FANK1: variants seen among roughly 807,000 people sequenced by gnomAD.
FANK1 encodes the protein fibronectin type 3 and ankyrin repeat domains protein 1.
FANK1 carries 44 observed loss-of-function variants against 45.3 expected under a neutral mutation model. The observed-to-expected ratio is 0.97, with a 90% CI of 0.76 to 1.25. FANK1 has a LOEUF of 1.25. FANK1 is among the 50% of genes most tolerant of loss of function. The pLI is 0.00. For missense variants in FANK1, 391 were observed against 424.4 expected (o/e 0.92, Z 0.69); for synonymous variants, 149 against 152.5 (o/e 0.98, Z 0.17).
intron 1 of FANK1, among the ~76,000 whole-genome samples, chr10:125,900,565 T>C (rs1944944312): frequency 6.6e-6 from 1 of 152,134 alleles, no homozygotes; most frequent in Non-Finnish European, 1.5e-5. Context: ...TGTAAGCTCT[T>C]GCTATATATA....
intron 1 of FANK1, among the ~76,000 whole-genome samples, chr10:125,922,580 G>T (rs1191569796): frequency 6.6e-6 from 1 of 152,186 alleles, no homozygotes; most frequent in East Asian, 1.9e-4. Context: ...ACAGTGGCAT[G>T]ATCAGGGATC....
chr10:125,983,149 G>A lies in FANK1; in HGVS notation c.191+2811G>A, dbSNP rs1020025066. The stretch of plus-strand genomic sequence containing the variant: ...TACTGTCCTTTGAATATGCCTTGAC[G>A]TTTTCTGCATGTGTGTTCAGTTGTT... On this transcript the variant is annotated intron_variant, in intron 2 of 10. Transcript: ENST00000368693. This position sits in a 1 kb window ranked among gnomAD's most constrained non-coding sequence, Gnocchi z 4.3. Among the ~76,000 whole-genome samples the A allele has an allele frequency of 4.6e-5, 7 of 152,020 alleles. No individual in the cohort carries two copies. Among genetic ancestry groups the A allele is most frequent in the African/African-American group, 1.4e-4 (6 of 41,394 alleles).
intron 1 of FANK1, among the ~76,000 whole-genome samples, chr10:125,967,433 A>G (rs1284460575): frequency 1.3e-5 from 2 of 152,230 alleles, no homozygotes; most frequent in Admixed American, 6.5e-5. Flanking sequence ...ACACTCATAC[A>G]AAGTCTTGTG....
intron 7 of FANK1, chr10:126,007,289 T>C (rs1438099342): frequency 6.6e-6 from 1 of 152,248 alleles, no homozygotes; most frequent in Non-Finnish European, 1.5e-5. Context: ...CTGAGGTTTA[T>C]TTTGATTGTT....
chr10:125,971,788 A>AT (rs954392047), intron 1 of FANK1, among the ~76,000 whole-genome samples: 8 of 151,912 alleles, frequency 5.3e-5, no homozygotes, highest in South Asian at 2.1e-4. Flanking sequence ...CGGCCGGCTA[A>AT]TTTTTTTGTA....
At chr10:125,973,914 G>A (rs1250562237) in intron 1 of FANK1, 1 of 152,116 alleles carries the variant, frequency 6.6e-6, no homozygotes, top group African/African-American at 2.4e-5. Flanking sequence ...GTTATGTAGT[G>A]TGTCCTTTTG....
Position 126,004,826 on chromosome 10 carries a change from G to A in FANK1, c.540-58G>A, listed in dbSNP as rs150901402. The A allele has an allele frequency of 5.3e-5, 83 of 1,576,648 alleles. No individual in the cohort carries two copies. The East Asian group carries it at 1.3e-3, about 25-fold the overall frequency. On this transcript the variant is annotated intron_variant, in intron 6 of 10. Transcript: ENST00000368693. ...GTTTAAGCCAGGTAGGGTAAAAGGT[G>A]GAGCTGAGTTTGGTGACTGTGCTTA... is the stretch of plus-strand genomic sequence containing the variant.
At chr10:125,918,607 T>G (rs967487832) in intron 1 of FANK1, among the ~76,000 whole-genome samples, 3 of 105,812 alleles carry the variant, frequency 2.8e-5, no homozygotes, top group South Asian at 3.1e-4. Flanking sequence ...TATATATATA[T>G]AGTTATATAT....
At chr10:125,907,457 T>C in intron 1 of FANK1, 1 of 984,482 alleles carries the variant, frequency 1.0e-6, no homozygotes, top group Non-Finnish European at 1.2e-6. Flanking sequence ...CCTTTTTTAG[T>C]GTGGATGGGA....
At chr10:125,932,274 T>C (rs973810350) in intron 1 of FANK1, among the ~76,000 whole-genome samples, 19 of 152,140 alleles carry the variant, frequency 1.2e-4, no homozygotes, top group Non-Finnish European at 2.2e-4. Context: ...TGTGTTGAAT[T>C]TGTAGATTGC....
intron 3 of FANK1, among the ~76,000 whole-genome samples, chr10:125,990,475 C>T (rs1428270774): frequency 1.3e-5 from 2 of 152,176 alleles, no homozygotes; most frequent in Non-Finnish European, 2.9e-5. Flanking sequence ...AAAAGAAACA[C>T]TGATTTTCTC....
intron 2 of FANK1, among the ~76,000 whole-genome samples, chr10:125,985,986 A>T (rs781693241): frequency 6.6e-6 from 1 of 152,080 alleles, no homozygotes; most frequent in African/African-American, 2.4e-5. Flanking sequence ...ACTTCTGGGC[A>T]TCTTAAGGCC....
chr10:125,900,354 C>CTT (rs59752773), intron 1 of FANK1, among the ~76,000 whole-genome samples: 11 of 139,318 alleles, frequency 7.9e-5, no homozygotes, highest in African/African-American at 2.9e-4. Flanking sequence ...GGTTTTTGTC[C>CTT]TTTTTTTTTT....
chr10:125,912,529 AAAT>A (rs1431868092), intron 1 of FANK1, among the ~76,000 whole-genome samples: 4 of 151,948 alleles, frequency 2.6e-5, no homozygotes, highest in Non-Finnish European at 5.9e-5. Flanking sequence ...GCTCTCTTAA[AAAT>A]GTCAGCAACT....
At chr10:126,009,000 T>C in intron 8 of FANK1, 54 bp from the exon 9 acceptor site, 1 of 1,553,756 alleles carries the variant, frequency 6.4e-7, no homozygotes, top group Non-Finnish European at 8.9e-7. Context: ...CCCCCTGCTG[T>C]GTGTGCCCTG....
chr10:125,962,576 GT>G (rs1949990104), intron 1 of FANK1, among the ~76,000 whole-genome samples: 1 of 151,950 alleles, frequency 6.6e-6, no homozygotes, highest in African/African-American at 2.4e-5. Context: ...GATTGATACA[GT>G]TTTCTGCCGA....
intron 1 of FANK1, among the ~76,000 whole-genome samples, chr10:125,901,905 G>A (rs1467235252): frequency 5.3e-5 from 8 of 152,244 alleles, no homozygotes; most frequent in Non-Finnish European, 1.0e-4. Context: ...CGGATCACCT[G>A]AGGTCAGGAG....
chr10:125,921,012 A>T (rs143364089), intron 1 of FANK1, among the ~76,000 whole-genome samples: 7,232 of 152,192 alleles, frequency 0.048, 246 homozygotes, highest in Middle Eastern at 0.13. Context: ...GATCTTGTCT[A>T]TTCTTGGCCA....
At chr10:125,927,586 GT>G (rs1471114677) in intron 1 of FANK1, among the ~76,000 whole-genome samples, 1 of 151,082 alleles carries the variant, frequency 6.6e-6, no homozygotes, top group Non-Finnish European at 1.5e-5. Context: ...TCTCACTCTT[GT>G]CGCCCAAGCT....
Sources: allele counts gnomAD v4.1 joint callset (sites outside exome capture counted in the v4.1 genomes callset), GRCh38; gene constraint gnomAD v4.1.1; non-coding constraint Gnocchi (gnomAD v3.1); transcripts MANE v1.5; gene names NCBI Gene and HGNC (gene_info 2026-07-23, HGNC 2026-07-21).